CLVS1: variants seen among roughly 807,000 people sequenced by gnomAD.
The protein encoded by CLVS1 is clavesin 1.
Under a neutral mutation model 33.1 loss-of-function variants are expected in CLVS1, and 10 were observed. The ratio of observed to expected loss-of-function variants is 0.30; its 90% CI spans 0.19 to 0.51. The LOEUF (loss-of-function observed/expected upper bound fraction) is 0.51. CLVS1 is among the 20% of genes least tolerant of loss of function. The pLI, the probability that CLVS1 is intolerant of heterozygous loss-of-function variation, is 0.97. For synonymous variants in CLVS1, 163 were observed against 166.1 expected, an observed-to-expected ratio of 0.98 and a Z score of 0.14; for missense variants, 343 against 433.4, an observed-to-expected ratio of 0.79 and a Z score of 1.85.
chr8:61,435,715 G>A (rs537271316), intron 3 of CLVS1, among the ~76,000 whole-genome samples: 1 of 151,936 alleles, frequency 6.6e-6, no homozygotes, highest in Non-Finnish European at 1.5e-5. Context: ...GAGCAACACT[G>A]TGAAATAACT....
At chr8:61,272,266 T>C (rs1218496305) in intron 2 of CLVS1, among the ~76,000 whole-genome samples, 1 of 152,166 alleles carries the variant, frequency 6.6e-6, no homozygotes, top group Non-Finnish European at 1.5e-5. Context: ...TTAGTTTGGC[T>C]GCATATGAAA....
upstream of CLVS1, among the ~76,000 whole-genome samples, chr8:61,285,461 C>T (rs544944218): frequency 1.1e-4 from 16 of 152,262 alleles, no homozygotes; most frequent in Admixed American, 5.9e-4. Flanking sequence ...ATTTCAGCTC[C>T]GCACATGGAA....
intron 1 of CLVS1, among the ~76,000 whole-genome samples, chr8:61,085,893 G>A (rs1389302175): frequency 6.6e-6 from 1 of 151,506 alleles, no homozygotes; most frequent in African/African-American, 2.4e-5. Flanking sequence ...GTATGGTGGC[G>A]GGCGCGTTGG....
the CLVS1 span, among the ~76,000 whole-genome samples, chr8:61,043,442 G>T: frequency 6.6e-6 from 1 of 152,176 alleles, no homozygotes; most frequent in Admixed American, 6.5e-5. Context: ...AAACCAGATG[G>T]ATCATAGCAG....
chr8:61,034,746 C>T, the CLVS1 span, among the ~76,000 whole-genome samples: 3 of 152,168 alleles, frequency 2.0e-5, no homozygotes, highest in South Asian at 4.1e-4. Context: ...CTTGCAATGG[C>T]GGTGAAAATG....
At chr8:61,152,197 A>G (rs1287865297) in intron 2 of CLVS1, among the ~76,000 whole-genome samples, 1 of 152,188 alleles carries the variant, frequency 6.6e-6, no homozygotes, top group East Asian at 1.9e-4. Flanking sequence ...TTGGGGTGCA[A>G]TGAGGGCTCA....
At chr8:61,199,352 A>G (rs1807682284) in intron 2 of CLVS1, among the ~76,000 whole-genome samples, 1 of 152,192 alleles carries the variant, frequency 6.6e-6, no homozygotes, top group South Asian at 2.1e-4. Context: ...TTTGCCAACT[A>G]TATCTCCAAG....
chr8:61,209,360 C>T (rs973678492), intron 2 of CLVS1, among the ~76,000 whole-genome samples: 1 of 152,160 alleles, frequency 6.6e-6, no homozygotes, highest in Non-Finnish European at 1.5e-5. Flanking sequence ...AGAAAATGCT[C>T]ATTGTCACAT....
intron 1 of CLVS1, among the ~76,000 whole-genome samples, chr8:61,102,709 T>G (rs933680028): frequency 2.0e-5 from 3 of 152,136 alleles, no homozygotes; most frequent in Non-Finnish European, 2.9e-5. Context: ...ATCATGGGGC[T>G]GAGGTATCAT....
chr8:61,473,006 T>C (rs1265780222), intron 5 of CLVS1, among the ~76,000 whole-genome samples: 1 of 152,150 alleles, frequency 6.6e-6, no homozygotes, highest in Non-Finnish European at 1.5e-5. Flanking sequence ...AACAGCTGTT[T>C]CATGGTCACC....
At chr8:61,406,990 A>G (rs1815017911) in intron 3 of CLVS1, among the ~76,000 whole-genome samples, 1 of 152,238 alleles carries the variant, frequency 6.6e-6, no homozygotes, top group African/African-American at 2.4e-5. Flanking sequence ...GGATTTTACT[A>G]GGTATATTGA....
intron 1 of CLVS1, among the ~76,000 whole-genome samples, chr8:61,059,029 C>A (rs1187182995): frequency 6.6e-6 from 1 of 152,142 alleles, no homozygotes; most frequent in African/African-American, 2.4e-5. Flanking sequence ...TTTGTGTGGA[C>A]ATGTGCTTTC....
intron 5 of CLVS1, among the ~76,000 whole-genome samples, chr8:61,479,111 A>G (rs896072257): frequency 8.5e-5 from 13 of 152,052 alleles, no homozygotes; most frequent in African/African-American, 2.7e-4. Context: ...CTATTTCCTG[A>G]ATTTGAACGT....
At chr8:61,485,237 C>G (rs1417022935) in intron 5 of CLVS1, among the ~76,000 whole-genome samples, 1 of 152,042 alleles carries the variant, frequency 6.6e-6, no homozygotes, top group Non-Finnish European at 1.5e-5. Context: ...TGAACTCAAA[C>G]AAATTTACAA....
chr8:60,980,653 C>T, the CLVS1 span, among the ~76,000 whole-genome samples: 1 of 152,142 alleles, frequency 6.6e-6, no homozygotes, highest in African/African-American at 2.4e-5. Flanking sequence ...GGTATGGTGG[C>T]ACATGCCTGT....
intron 3 of CLVS1, among the ~76,000 whole-genome samples, chr8:61,408,500 C>A (rs1410636413): frequency 7.9e-5 from 12 of 152,210 alleles, no homozygotes; most frequent in Admixed American, 7.9e-4. Flanking sequence ...TTTCTCCAGA[C>A]CTGGAAATCA....
At chr8:61,232,820 C>A (rs10088896) in intron 2 of CLVS1, among the ~76,000 whole-genome samples, 11,114 of 152,084 alleles carry the variant, frequency 0.073, 481 homozygotes, top group East Asian at 0.16. Flanking sequence ...GTTGGACAAA[C>A]GGCAACAGTA....
chr8:61,440,703 C>CTGT (rs1410746681), intron 3 of CLVS1, among the ~76,000 whole-genome samples: 1 of 152,212 alleles, frequency 6.6e-6, no homozygotes, highest in East Asian at 1.9e-4. Flanking sequence ...AGAGTTAGAA[C>CTGT]TGTTCTAAGA....
the CLVS1 span, among the ~76,000 whole-genome samples, chr8:61,023,501 TTAAA>T: frequency 6.6e-6 from 1 of 152,234 alleles, no homozygotes; most frequent in Non-Finnish European, 1.5e-5. Context: ...GTAAGTTAAA[TTAAA>T]TAATATCAAA....
Sources: allele counts gnomAD v4.1 joint callset (sites outside exome capture counted in the v4.1 genomes callset), GRCh38; gene constraint gnomAD v4.1.1; transcripts MANE v1.5; gene names NCBI Gene and HGNC (gene_info 2026-07-23, HGNC 2026-07-21).